PCDHGA2: variants seen among roughly 807,000 people sequenced by gnomAD.
PCDHGA2 encodes protocadherin gamma subfamily A, 2.
In PCDHGA2, 40 loss-of-function variants were observed where a neutral mutation model predicts 59.2. That is an observed-to-expected ratio of 0.68 (90% CI 0.52 to 0.88). PCDHGA2 has a LOEUF of 0.88. PCDHGA2 is among the 40% of genes least tolerant of loss of function. The probability of loss-of-function intolerance (pLI) is 0.00; values close to 1 mark genes in which losing one functional copy is unlikely to be tolerated. For missense variants in PCDHGA2, 1,226 were observed against 1,204.0 expected, an observed-to-expected ratio of 1.02 and a Z score of -0.27; for synonymous variants, 560 against 526.0, an observed-to-expected ratio of 1.06 and a Z score of -0.89.
chr5:141,418,069 G>T, intron 1 of PCDHGA2: 4 of 1,614,042 alleles, frequency 2.5e-6, no homozygotes, highest in South Asian at 2.2e-5. Flanking sequence ...GAGTGAGCGC[G>T]GAGAAGCTGC....
intron 1 of PCDHGA2, chr5:141,385,756 T>A: frequency 5.6e-6 from 1 of 179,052 alleles, no homozygotes; most frequent in Non-Finnish European, 1.1e-5. Flanking sequence ...GATTTTTTTC[T>A]GTGGCTGATT....
chr5:141,419,561 G>T, intron 1 of PCDHGA2: 1 of 1,611,846 alleles, frequency 6.2e-7, no homozygotes. Flanking sequence ...CCCTGCGCTG[G>T]GTCCCGACGG....
intron 1 of PCDHGA2, among the ~76,000 whole-genome samples, chr5:141,447,527 A>C (rs1278828003): frequency 6.6e-6 from 1 of 152,224 alleles, no homozygotes; most frequent in East Asian, 1.9e-4. Flanking sequence ...TCATAACAAA[A>C]TTGTTGGGTT....
chr5:141,415,177 G>C, intron 1 of PCDHGA2: 3 of 1,613,926 alleles, frequency 1.9e-6, no homozygotes, highest in Non-Finnish European at 2.5e-6. Context: ...CACCGTGGCC[G>C]TGGCCGACAG....
chr5:141,419,248 AAAC>A (rs1229992972), intron 1 of PCDHGA2: 1 of 1,613,980 alleles, frequency 6.2e-7, no homozygotes, highest in Admixed American at 1.7e-5. Context: ...ACGTGCCAGA[AAAC>A]AACCAGCCGG....
chr5:141,487,748 T>A lies in PCDHGA2; in HGVS notation c.2425-7059T>A, dbSNP rs1458153935. ...TGTCACCATTTTTGTAAGAGGTAACTATGTGGTAGACGCTGTGCTTTGTAA... is the reference window on the plus strand; with the variant it reads ...TGTCACCATTTTTGTAAGAGGTAACAATGTGGTAGACGCTGTGCTTTGTAA... On this transcript the variant is annotated intron_variant, in intron 1 of 3. Transcript: ENST00000394576. This position sits in a 1 kb window ranked among gnomAD's most constrained non-coding sequence, Gnocchi z 5.0. 6.4e-7 allele frequency: 1 copy of A among 1,557,554 alleles called. No homozygotes were observed. The highest frequency in any genetic ancestry group is 1.2e-5 in the South Asian group (1 of 84,814).
chr5:141,496,511 C>T (rs1161285563), intron 2 of PCDHGA2, among the ~76,000 whole-genome samples: 1 of 152,182 alleles, frequency 6.6e-6, no homozygotes, highest in Non-Finnish European at 1.5e-5. Flanking sequence ...CACAAGGACC[C>T]AGGAGCCCTT....
Position 141,426,915 on chromosome 5 carries a change from G to A in PCDHGA2, c.2425-67892G>A, listed in dbSNP as rs143411146. On this transcript the variant is annotated intron_variant, in intron 1 of 3. Coordinates refer to ENST00000394576, the MANE Select transcript of PCDHGA2 (RefSeq NM_018915.4). ...ACAGAGCTCTCATCTCCTGGTCCTG[G>A]AAGCAATGGACATGGGTGACCCAGT... 1,737 of 456,738 alleles carry A rather than the reference G, an allele frequency of 3.8e-3. 17 individuals carry two copies. Among genetic ancestry groups the A allele is most frequent in the Admixed American group, 0.01 (426 of 42,586 alleles). The allele number at this position is 456,738 out of a possible 1,614,324, so 28.3% of individuals were successfully genotyped here.
At chr5:141,392,834 C>T in intron 1 of PCDHGA2, 2 of 1,607,664 alleles carry the variant, frequency 1.2e-6, no homozygotes, top group Non-Finnish European at 1.7e-6. Flanking sequence ...CACAGAGTCG[C>T]CCCAGACGCG....
At chr5:141,437,338 C>T (rs1328789308) in intron 1 of PCDHGA2, among the ~76,000 whole-genome samples, 1 of 152,196 alleles carries the variant, frequency 6.6e-6, no homozygotes, top group Non-Finnish European at 1.5e-5. Flanking sequence ...TGTAGCTTCA[C>T]TGTTTTATAG....
rs527514615 is a variant in PCDHGA2 at position 141,485,941 on chromosome 5, A to G, written c.2425-8866A>G. ...GGATTAGTGTGTTGGAGAGCGCACC[A>G]GCGGGCATGGTGCTCATCCAGCTCA... is the stretch of plus-strand genomic sequence containing the variant. On this transcript the variant is annotated intron_variant, in intron 1 of 3. Coordinates refer to ENST00000394576, the MANE Select transcript of PCDHGA2 (RefSeq NM_018915.4). This position sits in a 1 kb window ranked among gnomAD's most constrained non-coding sequence, Gnocchi z 5.7. The G allele has an allele frequency of 2.5e-6, 4 of 1,614,180 alleles. No homozygotes were observed. The highest frequency in any genetic ancestry group is 2.7e-5 in the African/African-American group (2 of 75,032).
intron 2 of PCDHGA2, among the ~76,000 whole-genome samples, chr5:141,500,985 C>T (rs2099804537): frequency 6.6e-6 from 1 of 152,048 alleles, no homozygotes; most frequent in Non-Finnish European, 1.5e-5. Flanking sequence ...TCTCCTGCCT[C>T]AGCCTCCTGA....
In PCDHGA2 at chr5:141,420,606, G is replaced by A. The variant is rs141099124; in HGVS notation, c.2425-74201G>A. On this transcript the variant is annotated intron_variant, in intron 1 of 3. Coordinates refer to ENST00000394576, the MANE Select transcript of PCDHGA2 (RefSeq NM_018915.4). Reference sequence around the variant, plus strand: ...CCTGATGCTACTCAATTTTTCTCAAGTATTTCATCTTCATTTACTCAATAA... The same window carrying A: ...CCTGATGCTACTCAATTTTTCTCAAATATTTCATCTTCATTTACTCAATAA... Among the ~76,000 whole-genome samples the A allele has an allele frequency of 2.7e-3, 411 of 152,256 alleles. 1 individual carries two copies. Among genetic ancestry groups the A allele is most frequent in the African/African-American group, 9.4e-3 (392 of 41,546 alleles).
At position 141,487,653 on chromosome 5, in the gene PCDHGA2, A is replaced by C. The variant is rs1033173132; in HGVS notation, c.2425-7154A>C. The C allele has an allele frequency of 3.1e-6, 5 of 1,613,794 alleles. No individual in the cohort carries two copies. Among genetic ancestry groups the C allele is most frequent in the Non-Finnish European group, 4.2e-6 (5 of 1,179,926 alleles). ...CAGGCTCAACAAATGCTTGAGGGTT[A>C]TTCTGATCCAGGCATATGGCTAGGC... On this transcript the variant is annotated intron_variant, in intron 1 of 3. Transcript: ENST00000394576. This position sits in a 1 kb window ranked among gnomAD's most constrained non-coding sequence, Gnocchi z 5.0.
rs766852982 is a variant in PCDHGA2, at chr5:141,486,907, A to G, written c.2425-7900A>G. ...CCCGGCCTGGTTCCTTATGTCCCCA[A>G]GCACTGCCTCCATCAGTTGGTGCTG... On this transcript the variant is annotated intron_variant, in intron 1 of 3. Coordinates refer to ENST00000394576, the MANE Select transcript of PCDHGA2 (RefSeq NM_018915.4). The surrounding 1 kb of genome is among the most constrained non-coding windows in gnomAD (Gnocchi z 5.0). 6.2e-5 allele frequency: 100 copies of G among 1,614,122 alleles called. No homozygotes were observed. The highest frequency in any genetic ancestry group is 8.0e-5 in the Non-Finnish European group (94 of 1,180,056).
rs776258973 is a variant in PCDHGA2, at chr5:141,489,877, A to G, written c.2425-4930A>G. 1.2e-6 allele frequency: 2 copies of G among 1,614,230 alleles called. No individual in the cohort carries two copies. The highest frequency in any genetic ancestry group is 2.2e-5 in the South Asian group (2 of 91,090). Reference sequence around the variant, plus strand: ...CCAGGCAAGACATCAGCTGGTGCTTACTGCTGTGGATGGGGGGACCCCAGC... The same window carrying G: ...CCAGGCAAGACATCAGCTGGTGCTTGCTGCTGTGGATGGGGGGACCCCAGC... On this transcript the variant is annotated intron_variant, in intron 1 of 3. Coordinates refer to ENST00000394576, the MANE Select transcript of PCDHGA2 (RefSeq NM_018915.4). This position sits in a 1 kb window ranked among gnomAD's most constrained non-coding sequence, Gnocchi z 4.5.
At chr5:141,402,753 A>G (rs914241458) in intron 1 of PCDHGA2, among the ~76,000 whole-genome samples, 8 of 152,326 alleles carry the variant, frequency 5.3e-5, no homozygotes, top group Admixed American at 5.2e-4. Context: ...CTCTAAGCGA[A>G]AATCAGGACT....
chr5:141,414,559 T>C (rs1330713312), intron 1 of PCDHGA2: 2 of 1,613,782 alleles, frequency 1.2e-6, no homozygotes, highest in Non-Finnish European at 1.7e-6. Flanking sequence ...AGTCTCCTAC[T>C]TTACCTATAT....
intron 1 of PCDHGA2, chr5:141,408,972 CT>C (rs1404896464): frequency 6.2e-7 from 1 of 1,613,870 alleles, no homozygotes; most frequent in Middle Eastern, 1.6e-4. Flanking sequence ...AATCTGCCCC[CT>C]GGGTCCCCTG....
Sources: gnomAD v4.1 joint callset for allele counts (sites outside exome capture counted in the v4.1 genomes callset) on GRCh38, gnomAD v4.1.1 for gene constraint, Gnocchi (gnomAD v3.1) non-coding constraint, MANE v1.5 for transcripts, NCBI Gene and HGNC (gene_info 2026-07-23, HGNC 2026-07-21) for gene names.